The following ODR4 variants were observed in gnomAD, a reference collection of about 807,000 sequenced individuals.
ODR4 encodes the protein protein odr-4 homolog.
A neutral mutation model predicts 60.2 loss-of-function variants in ODR4; 47 were observed. That is an observed-to-expected ratio of 0.78 (90% CI 0.62 to 1.00). The LOEUF (loss-of-function observed/expected upper bound fraction) is 1.00, where lower values mean the gene tolerates loss of function less well. Ranked by LOEUF, ODR4 falls within the 50% of genes least tolerant of loss-of-function variation. ODR4 has a pLI of 0.00. For synonymous variants in ODR4, 178 were observed against 175.5 expected, an observed-to-expected ratio of 1.01 and a Z score of -0.11; for missense variants, 488 against 530.8, an observed-to-expected ratio of 0.92 and a Z score of 0.79.
chr1:186,404,685 A>G (rs1474554547), intron 11 of ODR4, among the ~76,000 whole-genome samples: 2 of 152,230 alleles, frequency 1.3e-5, no homozygotes, highest in African/African-American at 4.8e-5. Flanking sequence ...ATGTGCAAAC[A>G]AGATAATACA....
chr1:186,417,110 A>T (rs979359260), intron 12 of ODR4, among the ~76,000 whole-genome samples: 8 of 151,502 alleles, frequency 5.3e-5, no homozygotes, highest in African/African-American at 1.9e-4. Flanking sequence ...CTACAGGTGC[A>T]CACCACCATG....
At chr1:186,416,661 G>T (rs539081058) in intron 12 of ODR4, among the ~76,000 whole-genome samples, 3 of 151,998 alleles carry the variant, frequency 2.0e-5, no homozygotes, top group Admixed American at 6.5e-5. Context: ...AACAGAGCAA[G>T]ACTCTGTCTC....
chr1:186,394,795 ATTGTCT>A (rs1660607816), intron 9 of ODR4, among the ~76,000 whole-genome samples: 1 of 152,152 alleles, frequency 6.6e-6, no homozygotes, highest in Non-Finnish European at 1.5e-5. Flanking sequence ...GCATTAGTAA[ATTGTCT>A]TTGGGCCTAT....
At position 186,398,337 on chromosome 1, in the gene ODR4, A is replaced by G. The variant is rs770209712; in HGVS notation, c.805A>G (p.Thr269Ala). Residue 269 changes from threonine (T) to alanine (A), a missense_variant, in exon 10 of 14, where the codon ACA (threonine) becomes GCA (alanine). Physicochemically the swap from Thr to Ala is moderately conservative, Grantham distance 58. Transcript: ENST00000287859. ...QLLLNSDHRS[T>A]ATVQICSGSV... is the part of the protein sequence containing the mutation. ...GCTCCTGAATTCAGACCACAGATCC[A>G]CAGCCACAGTCCAGATATGTAGCGG... 4.4e-6 allele frequency: 7 copies of G among 1,603,758 alleles called. No homozygotes were observed. Among genetic ancestry groups the G allele is most frequent in the Non-Finnish European group, 6.0e-6 (7 of 1,174,836 alleles).
At chr1:186,396,369 G>A (rs1309504209) in intron 9 of ODR4, among the ~76,000 whole-genome samples, 2 of 152,180 alleles carry the variant, frequency 1.3e-5, no homozygotes, top group African/African-American at 4.8e-5. Flanking sequence ...AGCACTTTGG[G>A]AGGCCTAGGC....
intron 12 of ODR4, among the ~76,000 whole-genome samples, chr1:186,414,424 T>G (rs1661481823): frequency 6.6e-6 from 1 of 152,126 alleles, no homozygotes; most frequent in African/African-American, 2.4e-5. Context: ...GTAATAAATT[T>G]CCTATAGCAA....
downstream of ODR4, among the ~76,000 whole-genome samples, chr1:186,425,998 T>A (rs1172375276): frequency 6.6e-6 from 1 of 152,198 alleles, no homozygotes; most frequent in East Asian, 1.9e-4. Context: ...TGCCTGGAAG[T>A]CTCCTTGGAT....
the ODR4 span, among the ~76,000 whole-genome samples, chr1:186,434,603 T>C: frequency 6.6e-6 from 1 of 152,184 alleles, no homozygotes. Context: ...CCTCATTCTC[T>C]GGAAATGCTT....
intron 9 of ODR4, among the ~76,000 whole-genome samples, chr1:186,395,126 G>A (rs1179226625): frequency 2.0e-5 from 3 of 152,130 alleles, no homozygotes; most frequent in Admixed American, 6.6e-5. Context: ...ACGGAGTCTC[G>A]CTCTGTCTCC....
chr1:186,391,552 T>G, intron 7 of ODR4, 144 bp from the exon 8 acceptor site: 1 of 620,930 alleles, frequency 1.6e-6, no homozygotes, highest in Non-Finnish European at 2.8e-6. Context: ...TTTTTTTAAT[T>G]TGTGAAACTA....
At chr1:186,424,696 T>C (rs1661855279), downstream of ODR4, among the ~76,000 whole-genome samples, 1 of 151,880 alleles carries the variant, frequency 6.6e-6, no homozygotes, top group Non-Finnish European at 1.5e-5. Context: ...CTCATGCACA[T>C]GATTGGCAGT....
At chr1:186,395,739 T>C (rs1660645576) in intron 9 of ODR4, among the ~76,000 whole-genome samples, 1 of 152,212 alleles carries the variant, frequency 6.6e-6, no homozygotes, top group Non-Finnish European at 1.5e-5. Context: ...ACTTTCCATT[T>C]ATCTACTCTA....
At chr1:186,410,297 C>T (rs1661327954) in intron 12 of ODR4, among the ~76,000 whole-genome samples, 1 of 152,146 alleles carries the variant, frequency 6.6e-6, no homozygotes, top group South Asian at 2.1e-4. Context: ...CTGTATGGCT[C>T]AGTAGTTCAG....
intron 12 of ODR4, among the ~76,000 whole-genome samples, chr1:186,416,724 C>T (rs972701693): frequency 1.3e-5 from 2 of 150,450 alleles, no homozygotes; most frequent in African/African-American, 4.9e-5. Context: ...GGTGTGGTGG[C>T]AGGCGGCTGT....
chr1:186,410,468 A>G (rs190015852), intron 12 of ODR4, among the ~76,000 whole-genome samples: 27 of 152,312 alleles, frequency 1.8e-4, no homozygotes, highest in African/African-American at 6.5e-4. Flanking sequence ...TCAAGACAAT[A>G]TAATAGATAT....
intron 12 of ODR4, among the ~76,000 whole-genome samples, chr1:186,412,117 A>G (rs1661401936): frequency 1.3e-5 from 2 of 152,172 alleles, no homozygotes; most frequent in Non-Finnish European, 2.9e-5. Context: ...TTCTACAGAT[A>G]AAATATGTAG....
In ODR4 at chr1:186,413,726, T is replaced by C. The variant is rs6691137; in HGVS notation, c.1187-3818T>C. Among the ~76,000 whole-genome samples, 901 of 152,326 alleles carry C rather than the reference T, an allele frequency of 5.9e-3. 12 individuals carry two copies. Among genetic ancestry groups the C allele is most frequent in the African/African-American group, 0.02 (845 of 41,588 alleles). ...GAGTAATACTGAAGATATAATTTTA[T>C]GGCTACATCGCTGACTATAATGATA... On this transcript the variant is annotated intron_variant, in intron 12 of 13. Coordinates refer to ENST00000287859, the MANE Select transcript of ODR4 (RefSeq NM_017847.6).
intron 6 of ODR4, among the ~76,000 whole-genome samples, 165 bp from the exon 7 acceptor site, chr1:186,390,546 T>G (rs1437444296): frequency 6.6e-6 from 1 of 152,178 alleles, no homozygotes; most frequent in Non-Finnish European, 1.5e-5. Context: ...CATGCTTTAT[T>G]TTGTGTTTAG....
the ODR4 span, among the ~76,000 whole-genome samples, chr1:186,432,559 C>G: frequency 6.6e-6 from 1 of 151,970 alleles, no homozygotes; most frequent in Non-Finnish European, 1.5e-5. Flanking sequence ...TTGCTGGTTA[C>G]AGGGCTATTC....
Sources: gnomAD v4.1 joint callset for allele counts (sites outside exome capture counted in the v4.1 genomes callset) on GRCh38, gnomAD v4.1.1 for gene constraint, MANE v1.5 for transcripts, NCBI Gene and HGNC (gene_info 2026-07-23, HGNC 2026-07-21) for gene names.